TLN2: variants seen among roughly 807,000 people sequenced by gnomAD.
TLN2 encodes talin-2.
A neutral mutation model predicts 294.7 loss-of-function variants in TLN2; 118 were observed. That is an observed-to-expected ratio of 0.40 (90% CI 0.34 to 0.47). The LOEUF is 0.47. TLN2 is among the 20% of genes least tolerant of loss of function. TLN2 has a pLI of 0.84. For synonymous variants in TLN2, 1,431 were observed against 1,304.5 expected (o/e 1.10, Z -2.09); for missense variants, 3,083 against 3,282.2 (o/e 0.94, Z 1.48).
intron 1 of TLN2, among the ~76,000 whole-genome samples, chr15:62,427,594 C>T (rs2034785896): frequency 6.6e-6 from 1 of 152,084 alleles, no homozygotes; most frequent in South Asian, 2.1e-4. Context: ...CAGCCTGGCA[C>T]TCCCACCCCT....
At chr15:62,769,184 A>G (rs550024572) in intron 41 of TLN2, among the ~76,000 whole-genome samples, 1 of 152,270 alleles carries the variant, frequency 6.6e-6, no homozygotes, top group Non-Finnish European at 1.5e-5. Flanking sequence ...ATAAGATTCT[A>G]ATGCATTAAA....
chr15:62,656,005 G>A lies in TLN2; in HGVS notation c.579G>A (p.Leu193=). 1 of 1,614,194 alleles carries A rather than the reference G, an allele frequency of 6.2e-7. No homozygotes were observed. The highest frequency in any genetic ancestry group is 8.5e-7 in the Non-Finnish European group (1 of 1,180,042). Residue 193 remains leucine, a synonymous_variant, in exon 8 of 59, where the codon TTG becomes TTA. Transcript: ENST00000636159. ...REQGVDENET[L]LLRRKFFYSD... is the part of the protein sequence containing the mutation. The stretch of plus-strand genomic sequence containing the variant: ...AAGGAGTAGATGAAAACGAAACGTT[G>A]CTGCTTAGACGGAAGTTCTTTTACT...
chr15:62,600,710 A>G (rs2046922478), intron 2 of TLN2, among the ~76,000 whole-genome samples: 1 of 152,236 alleles, frequency 6.6e-6, no homozygotes. Context: ...TTTATGGACA[A>G]CTGTGCACGT....
chr15:62,721,534 A>G (rs1328579722), intron 25 of TLN2, among the ~76,000 whole-genome samples: 1 of 152,016 alleles, frequency 6.6e-6, no homozygotes, highest in Non-Finnish European at 1.5e-5. Context: ...AAAAATATTA[A>G]CTTTTGTCCT....
intron 32 of TLN2, 98 bp from the exon 33 acceptor site, chr15:62,748,253 T>C (rs2061724505): frequency 2.2e-6 from 2 of 924,518 alleles, no homozygotes; most frequent in Admixed American, 2.1e-5. Flanking sequence ...CGAGCTGAAA[T>C]AGTGAATTAA....
intron 1 of TLN2, among the ~76,000 whole-genome samples, chr15:62,579,172 A>C (rs891414621): frequency 2.6e-5 from 4 of 152,206 alleles, no homozygotes; most frequent in Non-Finnish European, 1.5e-5. Flanking sequence ...TTGGTTTTGC[A>C]TGAAAGGTGC....
intron 12 of TLN2, chr15:62,687,914 G>A (rs558953090): frequency 6.6e-6 from 1 of 152,300 alleles, no homozygotes; most frequent in South Asian, 2.1e-4. Flanking sequence ...ATTGCAGGAA[G>A]TCATGGATGA....
intron 9 of TLN2, among the ~76,000 whole-genome samples, chr15:62,672,700 G>A (rs1442498919): frequency 2.0e-5 from 3 of 152,114 alleles, no homozygotes; most frequent in African/African-American, 7.2e-5. Flanking sequence ...CAGACCAAGA[G>A]TCAGTGATTT....
chr15:62,474,489 A>G lies in TLN2; in HGVS notation c.-238+83804A>G, dbSNP rs537691117. 4.6e-5 allele frequency among the ~76,000 whole-genome samples: 7 copies of G among 152,210 alleles called. No individual in the cohort carries two copies. The South Asian group carries it at 1.5e-3, about 32-fold the overall frequency. On this transcript the variant is annotated intron_variant, in intron 1 of 58. Coordinates refer to ENST00000636159, the MANE Select transcript of TLN2 (RefSeq NM_015059.3). ...TCTCTACAAAAAATAAAATAATAAA[A>G]TAATTAGCCAGGTGTGGCAGTGCAT...
chr15:62,840,731 GCCCT>G lies in TLN2; in HGVS notation c.*122_*125del. ...CACCTCCCTCCCGGGTGAGCCTGGA[GCCCT>G]GCGTGCTTGTTCTCACATCTCTGTC... On this transcript the variant is annotated 3_prime_UTR_variant, in exon 59 of 59. Transcript: ENST00000636159. 2 of 1,379,448 alleles carry G rather than the reference GCCCT, an allele frequency of 1.4e-6. No homozygotes were observed. The highest frequency in any genetic ancestry group is 1.9e-6 in the Non-Finnish European group (2 of 1,032,288). The allele number at this position is 1,379,448 out of a possible 1,614,324, so 85.5% of individuals were successfully genotyped here.
intron 1 of TLN2, among the ~76,000 whole-genome samples, chr15:62,393,646 A>C (rs2032289755): frequency 6.6e-6 from 1 of 152,224 alleles, no homozygotes; most frequent in African/African-American, 2.4e-5. Context: ...ATAGGTATTT[A>C]TGCATTTTAG....
intron 1 of TLN2, among the ~76,000 whole-genome samples, chr15:62,434,185 A>G (rs1372555300): frequency 6.6e-6 from 1 of 152,214 alleles, no homozygotes; most frequent in Non-Finnish European, 1.5e-5. Context: ...AAAGGCAACC[A>G]CTGTTAGTGG....
At chr15:62,707,969 G>A (rs1283119581) in intron 20 of TLN2, among the ~76,000 whole-genome samples, 1 of 116,138 alleles carries the variant, frequency 8.6e-6, no homozygotes, top group Admixed American at 8.8e-5. Context: ...GCTCAGCTTG[G>A]CATCAATAGC....
At chr15:62,752,542 G>C in intron 35 of TLN2, 115 bp downstream of exon 35, 2 of 1,446,490 alleles carry the variant, frequency 1.4e-6, no homozygotes, top group Non-Finnish European at 1.9e-6. Context: ...CCATGGGAAA[G>C]GCAGTGGCTT....
chr15:62,829,689 A>G (rs983817850), intron 54 of TLN2: 5 of 152,194 alleles, frequency 3.3e-5, no homozygotes, highest in Non-Finnish European at 7.3e-5. Flanking sequence ...TAAAATGTAC[A>G]ATTAAGTTAT....
intron 11 of TLN2, among the ~76,000 whole-genome samples, chr15:62,676,770 A>G (rs953720607): frequency 6.6e-6 from 1 of 152,098 alleles, no homozygotes; most frequent in Non-Finnish European, 1.5e-5. Context: ...GCATGCTGCC[A>G]CACCCGGCTG....
rs775664030 is a variant in TLN2 at position 62,755,687 on chromosome 15, C to T, written c.4632C>T (p.Thr1544=). 6 of 1,614,196 alleles carry T rather than the reference C, an allele frequency of 3.7e-6. No homozygotes were observed. Among genetic ancestry groups the T allele is most frequent in the Non-Finnish European group, 3.4e-6 (4 of 1,180,016 alleles). The change falls in exon 37 of 59, where the codon ACC becomes ACT. Residue 1544 remains threonine, a synonymous_variant. Coordinates refer to ENST00000636159, the MANE Select transcript of TLN2 (RefSeq NM_015059.3). ...VANSTANLVK[T]IKALDGDFSE... is the part of the protein sequence containing the mutation. ...ACAGCACTGCCAACCTGGTGAAGAC[C>T]ATCAAGGTAGGTCGCTGGACTACCG... is the stretch of plus-strand genomic sequence containing the variant.
chr15:62,799,949 C>G (rs1038026871), intron 48 of TLN2, among the ~76,000 whole-genome samples: 1 of 151,924 alleles, frequency 6.6e-6, no homozygotes, highest in African/African-American at 2.4e-5. Context: ...CACCTCATAG[C>G]CAGAGAGGCA....
intron 45 of TLN2, among the ~76,000 whole-genome samples, chr15:62,785,768 C>G (rs2064602969): frequency 6.6e-6 from 1 of 152,142 alleles, no homozygotes; most frequent in Non-Finnish European, 1.5e-5. Context: ...ACTACTGTCT[C>G]CCTGAACTGT....
Sources: allele counts gnomAD v4.1 joint callset (sites outside exome capture counted in the v4.1 genomes callset), GRCh38; gene constraint gnomAD v4.1.1; transcripts MANE v1.5; gene names NCBI Gene and HGNC (gene_info 2026-07-23, HGNC 2026-07-21).